UNC13C: variants seen among roughly 807,000 people sequenced by gnomAD.
The protein encoded by UNC13C is protein unc-13 homolog C.
In UNC13C, 174 loss-of-function variants were observed where a neutral mutation model predicts 245.4. The ratio of observed to expected loss-of-function variants is 0.71; its 90% CI spans 0.63 to 0.80. UNC13C has a LOEUF of 0.80. Ranked by LOEUF, UNC13C falls within the 30% of genes least tolerant of loss-of-function variation. The pLI is 0.00. For synonymous variants in UNC13C, 992 were observed against 895.1 expected (o/e 1.11, Z -1.93); for missense variants, 2,829 against 2,602.9 (o/e 1.09, Z -1.89).
intron 2 of UNC13C, among the ~76,000 whole-genome samples, chr15:54,095,136 C>G (rs997493609): frequency 1.4e-4 from 22 of 152,300 alleles, no homozygotes; most frequent in Middle Eastern, 6.8e-3. Context: ...GGAAGCCTCA[C>G]TACAGAACAC....
At chr15:54,326,537 T>C (rs2038301698) in intron 14 of UNC13C, among the ~76,000 whole-genome samples, 2 of 151,888 alleles carry the variant, frequency 1.3e-5, no homozygotes, top group Non-Finnish European at 2.9e-5. Context: ...GGTAAGGAAA[T>C]TCATATAAAG....
intron 1 of UNC13C, among the ~76,000 whole-genome samples, chr15:54,002,011 G>A (rs957131467): frequency 6.6e-6 from 1 of 152,218 alleles, no homozygotes; most frequent in Non-Finnish European, 1.5e-5. Flanking sequence ...AATCAGCCAG[G>A]CGTGGTGGCT....
In UNC13C at chr15:54,388,409, T is replaced by G. The variant is rs1033179364; in HGVS notation, c.4714-4639T>G. Among the ~76,000 whole-genome samples, 7 of 152,258 alleles carry G rather than the reference T, an allele frequency of 4.6e-5. 1 individual carries two copies. Among genetic ancestry groups the G allele is most frequent in the Non-Finnish European group, 8.8e-5 (6 of 68,014 alleles). On this transcript the variant is annotated intron_variant, in intron 17 of 32. Coordinates refer to ENST00000260323, the MANE Select transcript of UNC13C (RefSeq NM_001080534.3). The stretch of plus-strand genomic sequence containing the variant: ...ACAAGTTCAGAGATCCACCCCACAC[T>G]GCTTGGCAATGCCACTATGGGTCCA...
At chr15:54,202,779 T>A (rs1261124307) in intron 4 of UNC13C, among the ~76,000 whole-genome samples, 3 of 151,678 alleles carry the variant, frequency 2.0e-5, no homozygotes, top group Non-Finnish European at 4.4e-5. Flanking sequence ...TGACCAAGAA[T>A]CCAAAGGCAA....
intron 18 of UNC13C, among the ~76,000 whole-genome samples, chr15:54,394,469 G>A (rs2040029834): frequency 2.0e-5 from 3 of 151,640 alleles, no homozygotes; most frequent in Non-Finnish European, 1.5e-5. Context: ...TGTCGTCATC[G>A]CATCATGGGT....
the UNC13C span, among the ~76,000 whole-genome samples, chr15:53,859,526 A>T: frequency 2.7e-3 from 406 of 152,342 alleles, 1 homozygote; most frequent in African/African-American, 9.4e-3. Flanking sequence ...TATTTTATAA[A>T]ACAGAGGGTA....
chr15:54,548,208 CTT>C (rs60975842), intron 27 of UNC13C, among the ~76,000 whole-genome samples: 22 of 61,922 alleles, frequency 3.6e-4, no homozygotes, highest in South Asian at 1.5e-3. Context: ...GTTTCTTTTG[CTT>C]TTTTTTTTTT....
At chr15:54,625,914 C>T (rs551861802) in intron 32 of UNC13C, among the ~76,000 whole-genome samples, 11 of 152,124 alleles carry the variant, frequency 7.2e-5, no homozygotes, top group Non-Finnish European at 1.6e-4. Flanking sequence ...ATATTTTGCT[C>T]TTCTACTCTT....
chr15:54,627,300 A>ATGAAG lies in UNC13C; in HGVS notation c.*190_*194dup, dbSNP rs1901241399. The ATGAAG allele has an allele frequency of 2.0e-6, 1 of 503,284 alleles. No individual in the cohort carries two copies. The highest frequency in any genetic ancestry group is 3.4e-6 in the Non-Finnish European group (1 of 297,098). The allele number at this position is 503,284 out of a possible 1,614,324, so 31.2% of individuals were successfully genotyped here. On this transcript the variant is annotated 3_prime_UTR_variant, in exon 33 of 33. Coordinates refer to ENST00000260323, the MANE Select transcript of UNC13C (RefSeq NM_001080534.3). ...CTGGTCTTTGGGAAATCAGTGTTCCATGAAGTGCCAAAATTATGATGTAAA... is the reference window on the plus strand; with the variant it reads ...CTGGTCTTTGGGAAATCAGTGTTCCATGAAGTGAAGTGCCAAAATTATGATGTAAA...
chr15:54,580,921 T>A (rs1047982001), intron 30 of UNC13C, among the ~76,000 whole-genome samples: 1 of 152,156 alleles, frequency 6.6e-6, no homozygotes, highest in African/African-American at 2.4e-5. Context: ...CCCTTCTCCA[T>A]ACACTCCATG....
intron 19 of UNC13C, among the ~76,000 whole-genome samples, chr15:54,432,256 G>A (rs1241034802): frequency 1.3e-5 from 2 of 151,522 alleles, no homozygotes; most frequent in Non-Finnish European, 3.0e-5. Flanking sequence ...AAGTAAGAGC[G>A]ACTGTGATAC....
intron 10 of UNC13C, among the ~76,000 whole-genome samples, chr15:54,278,402 G>A (rs1379551234): frequency 1.3e-5 from 2 of 152,062 alleles, no homozygotes; most frequent in African/African-American, 2.4e-5. Flanking sequence ...CCTATCTGGC[G>A]AGAGAGGAAT....
intron 19 of UNC13C, among the ~76,000 whole-genome samples, chr15:54,477,214 A>G (rs2141054609): frequency 8.4e-6 from 1 of 119,216 alleles, no homozygotes; most frequent in Non-Finnish European, 1.8e-5. Flanking sequence ...TTGGGCTGAG[A>G]CGATGGGGTT....
At chr15:54,496,794 A>T (rs946761510) in intron 20 of UNC13C, among the ~76,000 whole-genome samples, 2 of 151,268 alleles carry the variant, frequency 1.3e-5, no homozygotes, top group African/African-American at 2.4e-5. Flanking sequence ...TGAGAATGAT[A>T]CAATGGACTT....
intron 17 of UNC13C, among the ~76,000 whole-genome samples, chr15:54,346,254 G>T (rs576652400): frequency 2.6e-5 from 4 of 152,240 alleles, no homozygotes; most frequent in African/African-American, 7.2e-5. Flanking sequence ...AAAAGGCAGT[G>T]CCTTAGTTAC....
At chr15:54,121,216 A>T (rs1317806924) in intron 2 of UNC13C, among the ~76,000 whole-genome samples, 2 of 152,194 alleles carry the variant, frequency 1.3e-5, no homozygotes, top group Non-Finnish European at 2.9e-5. Flanking sequence ...AAATTGCCAC[A>T]GTCACCTCAC....
chr15:54,342,946 G>A (rs2038769843), intron 17 of UNC13C, among the ~76,000 whole-genome samples: 1 of 152,122 alleles, frequency 6.6e-6, no homozygotes, highest in African/African-American at 2.4e-5. Context: ...ATTTCTAGGA[G>A]CTAAATTGGT....
chr15:53,856,046 C>A, the UNC13C span, among the ~76,000 whole-genome samples: 2 of 152,038 alleles, frequency 1.3e-5, no homozygotes, highest in African/African-American at 4.8e-5. Flanking sequence ...GGAATTTATC[C>A]ATTTTTTCTA....
chr15:54,343,691 T>C (rs1223353069), intron 17 of UNC13C, among the ~76,000 whole-genome samples: 2 of 152,136 alleles, frequency 1.3e-5, no homozygotes, highest in African/African-American at 4.8e-5. Context: ...TTACACCCAT[T>C]AAAGAATGGT....
Sources: gnomAD v4.1 joint callset for allele counts (sites outside exome capture counted in the v4.1 genomes callset) on GRCh38, gnomAD v4.1.1 for gene constraint, MANE v1.5 for transcripts, NCBI Gene and HGNC (gene_info 2026-07-23, HGNC 2026-07-21) for gene names.